The following CELF2 variants were observed in gnomAD, a reference collection of about 807,000 sequenced individuals.
The protein encoded by CELF2 is CUGBP Elav-like family member 2.
CELF2 carries 8 observed loss-of-function variants against 62.6 expected under a neutral mutation model. The observed-to-expected ratio is 0.13, with a 90% CI of 0.07 to 0.23. CELF2 has a LOEUF of 0.23. Among genes scored for constraint, CELF2 ranks in the 10% least tolerant of loss-of-function variants. The pLI is 1.00. For missense variants in CELF2, 333 were observed against 671.0 expected (o/e 0.50, Z 5.56); for synonymous variants, 258 against 250.0 (o/e 1.03, Z -0.30).
rs2082885535 is a variant in CELF2 at position 11,268,782 on chromosome 10, A to G, written c.619-1884A>G. ...TGTTTGACTAACGTTGTTTATTTTT[A>G]ACTAATTATATTATTTCCAGGACTC... is the stretch of plus-strand genomic sequence containing the variant. On this transcript the variant is annotated intron_variant, in intron 6 of 12. Coordinates refer to ENST00000633077, the MANE Select transcript of CELF2 (RefSeq NM_001326342.2). This position sits in a 1 kb window ranked among gnomAD's most constrained non-coding sequence, Gnocchi z 4.7. 6.6e-6 allele frequency among the ~76,000 whole-genome samples: 1 copy of G among 152,088 alleles called. No homozygotes were observed.
chr10:10,916,405 T>C (rs1388543462), intron 1 of CELF2, among the ~76,000 whole-genome samples: 1 of 152,250 alleles, frequency 6.6e-6, no homozygotes, highest in Admixed American at 6.5e-5. Context: ...GTAACTCTAA[T>C]GTCAGTTTTT....
chr10:10,782,321 C>T, the CELF2 span, among the ~76,000 whole-genome samples: 2 of 152,132 alleles, frequency 1.3e-5, no homozygotes, highest in African/African-American at 2.4e-5. Context: ...GAGAGCTGTT[C>T]GTATAAATCG....
At chr10:11,181,790 T>C (rs1425023456) in intron 2 of CELF2, among the ~76,000 whole-genome samples, 1 of 152,226 alleles carries the variant, frequency 6.6e-6, no homozygotes, top group Non-Finnish European at 1.5e-5. Context: ...CTTAGTACGG[T>C]GCCTTAAAAC....
intron 7 of CELF2, among the ~76,000 whole-genome samples, chr10:11,273,729 TTG>T (rs202110761): frequency 0.16 from 23,215 of 148,270 alleles, 1,805 homozygotes; most frequent in African/African-American, 0.21. Context: ...TTTTGTTTTT[TTG>T]TTTTTTTTGA....
chr10:11,250,443 T>C (rs1388575930), intron 4 of CELF2, among the ~76,000 whole-genome samples: 1 of 152,266 alleles, frequency 6.6e-6, no homozygotes, highest in East Asian at 1.9e-4. Flanking sequence ...AATTCGTTTT[T>C]TTCTCTACTG....
chr10:10,803,157 C>T (rs1056997227), intron 1 of CELF2, among the ~76,000 whole-genome samples: 1 of 152,204 alleles, frequency 6.6e-6, no homozygotes, highest in Non-Finnish European at 1.5e-5. Context: ...TAACAAGACT[C>T]CCTGCTTCAC....
chr10:10,976,176 G>A (rs987761842), intron 2 of CELF2, among the ~76,000 whole-genome samples: 10 of 152,274 alleles, frequency 6.6e-5, no homozygotes, highest in Admixed American at 1.3e-4. Context: ...ACTTCATCCC[G>A]TTTTATCCAG....
rs139754158 is a variant in CELF2, at chr10:11,064,292, G to A, written c.74+46129G>A. Among the ~76,000 whole-genome samples the A allele has an allele frequency of 1.1e-3, 169 of 152,234 alleles. 1 individual carries two copies. Among genetic ancestry groups the A allele is most frequent in the Admixed American group, 0.011 (162 of 15,300 alleles). The stretch of plus-strand genomic sequence containing the variant: ...GTGGATTTGGTTTCTCTTTAACTAC[G>A]TTCCACATTTAGATTAATTGACTGT... On this transcript the variant is annotated intron_variant, in intron 1 of 12. Transcript: ENST00000633077.
In CELF2 at chr10:11,330,344, T is replaced by A. The variant is rs1446051603; in HGVS notation, c.*1291T>A. On this transcript the variant is annotated 3_prime_UTR_variant, in exon 13 of 13. Transcript: ENST00000633077. The surrounding 1 kb of genome is among the most constrained non-coding windows in gnomAD (Gnocchi z 4.5). ...CAAATTATGTGAATGGCTCGGAGAC[T>A]CCCTAATGACCTAAGATTTGCATTA... 6.6e-6 allele frequency: 1 copy of A among 152,340 alleles called. No individual in the cohort carries two copies. The highest frequency in any genetic ancestry group is 2.4e-5 in the African/African-American group (1 of 41,428). 9.4% of individuals were successfully genotyped at this position (152,340 alleles called of 1,614,324 possible).
chr10:10,708,249 A>C, the CELF2 span, among the ~76,000 whole-genome samples: 1 of 152,212 alleles, frequency 6.6e-6, no homozygotes, highest in African/African-American at 2.4e-5. Context: ...TTTAGAAACT[A>C]TAAGCTCAGA....
intron 1 of CELF2, among the ~76,000 whole-genome samples, chr10:11,077,891 T>C (rs2072577616): frequency 6.6e-6 from 1 of 152,212 alleles, no homozygotes; most frequent in African/African-American, 2.4e-5. Context: ...TTCAAACTGC[T>C]ACATCAGGAT....
chr10:11,308,411 T>C (rs1565906790), intron 9 of CELF2, among the ~76,000 whole-genome samples: 1 of 152,258 alleles, frequency 6.6e-6, no homozygotes, highest in Non-Finnish European at 1.5e-5. Flanking sequence ...TGGTGTACCA[T>C]ATTTCTGTGA....
At chr10:10,811,919 T>A (rs1197713138) in intron 1 of CELF2, among the ~76,000 whole-genome samples, 1 of 151,904 alleles carries the variant, frequency 6.6e-6, no homozygotes, top group Non-Finnish European at 1.5e-5. Context: ...AAAGAGAAAA[T>A]CACCATGTGC....
At chr10:10,539,881 G>A in the CELF2 span, among the ~76,000 whole-genome samples, 22,103 of 152,204 alleles carry the variant, frequency 0.15, 1,841 homozygotes, top group African/African-American at 0.23. Context: ...AAGCCAGGTG[G>A]CATAGGGCAT....
intron 1 of CELF2, among the ~76,000 whole-genome samples, chr10:10,832,979 G>C (rs1182433081): frequency 6.6e-6 from 1 of 150,438 alleles, no homozygotes; most frequent in East Asian, 2.0e-4. Flanking sequence ...GACAATTTTT[G>C]AAGTTTTTGA....
At chr10:11,126,790 G>A (rs557642252) in intron 1 of CELF2, among the ~76,000 whole-genome samples, 3 of 152,034 alleles carry the variant, frequency 2.0e-5, no homozygotes, top group South Asian at 2.1e-4. Context: ...GTAATAATTG[G>A]AGCATTTGCC....
intron 2 of CELF2, among the ~76,000 whole-genome samples, chr10:10,962,955 T>C (rs1326489065): frequency 6.6e-6 from 1 of 152,186 alleles, no homozygotes; most frequent in African/African-American, 2.4e-5. Flanking sequence ...TGCAATGCCA[T>C]CTTGGTAAGT....
chr10:10,829,052 T>A (rs1388968632), intron 1 of CELF2, among the ~76,000 whole-genome samples: 2 of 152,202 alleles, frequency 1.3e-5, no homozygotes, highest in African/African-American at 4.8e-5. Flanking sequence ...GTAATATAGA[T>A]TTATAAGTTA....
chr10:10,508,878 C>T, the CELF2 span, among the ~76,000 whole-genome samples: 2 of 151,920 alleles, frequency 1.3e-5, no homozygotes, highest in Non-Finnish European at 2.9e-5. Flanking sequence ...GTTTCACTAT[C>T]TTAGCCAGGT....
Sources: gnomAD v4.1 joint callset for allele counts (sites outside exome capture counted in the v4.1 genomes callset) on GRCh38, gnomAD v4.1.1 for gene constraint, Gnocchi (gnomAD v3.1) non-coding constraint, MANE v1.5 for transcripts, NCBI Gene and HGNC (gene_info 2026-07-23, HGNC 2026-07-21) for gene names.